GLI2: variants seen among roughly 807,000 people sequenced by gnomAD.
GLI2 encodes the protein GLI family zinc finger 2.
Under a neutral mutation model 78.9 loss-of-function variants are expected in GLI2, and 22 were observed. That is an observed-to-expected ratio of 0.28 (90% CI 0.20 to 0.40). The LOEUF is 0.40. GLI2 is among the 10% of genes least tolerant of loss of function. The pLI is 1.00. For missense variants in GLI2, 2,097 were observed against 2,213.2 expected (o/e 0.95, Z 1.05); for synonymous variants, 974 against 963.7 (o/e 1.01, Z -0.20).
At chr2:120,983,949 GT>G (rs1302780934) in intron 11 of GLI2, among the ~76,000 whole-genome samples, 955 of 35,672 alleles carry the variant, frequency 0.027, 7 homozygotes, top group African/African-American at 0.036. Context: ...TGTGTGGGGT[GT>G]GTGTGTGTGT....
chr2:120,775,963 G>T (rs367845054), intron 1 of GLI2, among the ~76,000 whole-genome samples: 1 of 152,244 alleles, frequency 6.6e-6, no homozygotes, highest in African/African-American at 2.4e-5. Context: ...CTCCTCTAAC[G>T]CTCTCGCCCT....
At chr2:120,986,241 C>A in intron 12 of GLI2, 37 bp from the exon 13 acceptor site, 2 of 1,579,680 alleles carry the variant, frequency 1.3e-6, no homozygotes, top group South Asian at 1.1e-5. Flanking sequence ...AATCTGATAC[C>A]CTCTGAGTCT....
Position 120,758,042 on chromosome 2 carries a change from G to C in GLI2, c.-31+21757G>C, listed in dbSNP as rs1240311247. On this transcript the variant is annotated intron_variant, in intron 1 of 13. Transcript: ENST00000361492. ...TTTTAAGTGGTGTGAGTGGTCCACTGTAAGGATAGTCCTCACCCTGATGTG... is the reference window on the plus strand; with the variant it reads ...TTTTAAGTGGTGTGAGTGGTCCACTCTAAGGATAGTCCTCACCCTGATGTG... Among the ~76,000 whole-genome samples the C allele has an allele frequency of 2.6e-5, 4 of 152,194 alleles. No individual in the cohort carries two copies. In the East Asian group the frequency reaches 7.7e-4, roughly 29 times the overall value.
chr2:120,787,858 C>T (rs529982054), intron 1 of GLI2, among the ~76,000 whole-genome samples: 4 of 152,118 alleles, frequency 2.6e-5, no homozygotes, highest in South Asian at 2.1e-4. Context: ...AATTTAGAAC[C>T]GAGTGGAACA....
At chr2:120,931,594 T>C (rs1227840206) in intron 3 of GLI2, among the ~76,000 whole-genome samples, 2 of 152,234 alleles carry the variant, frequency 1.3e-5, no homozygotes, top group African/African-American at 4.8e-5. Flanking sequence ...TAGAATACAG[T>C]AAATCATATT....
At chr2:120,855,284 G>T (rs1687593447) in intron 2 of GLI2, among the ~76,000 whole-genome samples, 1 of 152,228 alleles carries the variant, frequency 6.6e-6, no homozygotes, top group Non-Finnish European at 1.5e-5. Context: ...GCAGCTGTCA[G>T]CTGTGGCACC....
In GLI2 at chr2:120,992,290, A is replaced by G. The variant is rs1266412738; in HGVS notation, c.*1615A>G. 7.9e-5 allele frequency: 12 copies of G among 152,342 alleles called. No homozygotes were observed. Among genetic ancestry groups the G allele is most frequent in the African/African-American group, 2.9e-4 (12 of 41,438 alleles). 9.4% of individuals were successfully genotyped at this position (152,342 alleles called of 1,614,324 possible). On this transcript the variant is annotated 3_prime_UTR_variant, in exon 14 of 14. Coordinates refer to ENST00000361492, the MANE Select transcript of GLI2 (RefSeq NM_001374353.1). Reference sequence around the variant, plus strand: ...GGTCTGTGGCTCTGTGGTGGTGTTCATCGCCTTCCTGAGATAGGATTTCCC... The same window carrying G: ...GGTCTGTGGCTCTGTGGTGGTGTTCGTCGCCTTCCTGAGATAGGATTTCCC...
intron 2 of GLI2, among the ~76,000 whole-genome samples, chr2:120,863,798 C>T (rs556045039): frequency 1.2e-4 from 19 of 152,298 alleles, no homozygotes; most frequent in African/African-American, 4.6e-4. Context: ...GTCCTGGGAA[C>T]AGCACAGATA....
At chr2:120,909,043 A>G (rs1483084573) in intron 2 of GLI2, among the ~76,000 whole-genome samples, 1 of 152,076 alleles carries the variant, frequency 6.6e-6, no homozygotes, top group African/African-American at 2.4e-5. Flanking sequence ...CTGAGGAGTT[A>G]ACCTCCAGCA....
chr2:120,985,913 G>T (rs1400467704), intron 12 of GLI2, among the ~76,000 whole-genome samples: 2 of 152,198 alleles, frequency 1.3e-5, no homozygotes, highest in Non-Finnish European at 2.9e-5. Context: ...AAGTCAGCAG[G>T]CTTCATTCCT....
In GLI2 at chr2:120,945,676, C is replaced by T. The variant is rs1680671506; in HGVS notation, c.255-5567C>T. Among the ~76,000 whole-genome samples the T allele has an allele frequency of 3.9e-5, 6 of 152,188 alleles. No homozygotes were observed. In the South Asian group the frequency reaches 1.2e-3, roughly 32 times the overall value. ...TGATGTTCTCTGTATCATCTTCCTT[C>T]TTGGGCTCTCCCCTGCATGGCCTCC... On this transcript the variant is annotated intron_variant, in intron 3 of 13. Coordinates refer to ENST00000361492, the MANE Select transcript of GLI2 (RefSeq NM_001374353.1).
chr2:120,745,626 G>A (rs1018333905), intron 1 of GLI2, among the ~76,000 whole-genome samples: 3 of 152,230 alleles, frequency 2.0e-5, no homozygotes, highest in African/African-American at 7.2e-5. Context: ...TGACCATGTG[G>A]GGTGGCTTCT....
At chr2:120,779,340 G>T (rs1209230713) in intron 1 of GLI2, among the ~76,000 whole-genome samples, 1 of 152,210 alleles carries the variant, frequency 6.6e-6, no homozygotes, top group Non-Finnish European at 1.5e-5. Flanking sequence ...ACACCAGGGT[G>T]TGTGTGAGCC....
intron 2 of GLI2, among the ~76,000 whole-genome samples, chr2:120,871,996 C>T (rs149137570): frequency 1.2e-4 from 19 of 152,312 alleles, no homozygotes; most frequent in East Asian, 1.2e-3. Context: ...ACAACCACGA[C>T]GTCACATTGT....
chr2:120,955,131 C>G, intron 4 of GLI2, 114 bp from the exon 5 acceptor site: 1 of 737,068 alleles, frequency 1.4e-6, no homozygotes, highest in East Asian at 2.7e-5. Flanking sequence ...AACCCCGACA[C>G]CAGGTGTGCA....
rs1683269067 is a variant in GLI2 at position 120,990,861 on chromosome 2, AT to A, written c.*188del. The A allele has an allele frequency of 1.7e-6, 1 of 597,826 alleles. No homozygotes were observed. Among genetic ancestry groups the A allele is most frequent in the African/African-American group, 1.9e-5 (1 of 53,838 alleles). 37.0% of individuals were successfully genotyped at this position (597,826 alleles called of 1,614,324 possible). A position where few individuals can be genotyped will look rare whatever the true frequency, so the allele number is the denominator to read the frequency against. On this transcript the variant is annotated 3_prime_UTR_variant, in exon 14 of 14. Transcript: ENST00000361492. ...ATGGGCATCCTCTCTGGTCTTTTGGATTATTCCTCAGAACAATGAAAAAAGT... is the reference window on the plus strand; with the variant it reads ...ATGGGCATCCTCTCTGGTCTTTTGGATATTCCTCAGAACAATGAAAAAAGT...
chr2:120,983,965 G>A (rs1213101908), intron 11 of GLI2, among the ~76,000 whole-genome samples: 1 of 151,820 alleles, frequency 6.6e-6, no homozygotes, highest in African/African-American at 2.4e-5. Context: ...GTGTGTGTGT[G>A]TGTGTGTGTG....
chr2:120,913,109 G>A (rs990222475), intron 2 of GLI2, among the ~76,000 whole-genome samples: 1 of 152,244 alleles, frequency 6.6e-6, no homozygotes, highest in Admixed American at 6.5e-5. Context: ...AGGAAGGACT[G>A]AGGTTTGGGG....
At position 120,975,005 on chromosome 2, in the gene GLI2, G is replaced by A; in HGVS notation, c.1213G>A (p.Asp405Asn). 4 of 1,614,216 alleles carry A rather than the reference G, an allele frequency of 2.5e-6. No homozygotes were observed. The highest frequency in any genetic ancestry group is 3.4e-6 in the Non-Finnish European group (4 of 1,180,034). ...GCTGGCTGACCTCAAGGAAGATCTGGACAGGGATGACTGTAAGCAGGAGGC... is the reference window on the plus strand; with the variant it reads ...GCTGGCTGACCTCAAGGAAGATCTGAACAGGGATGACTGTAAGCAGGAGGC... The part of the protein sequence containing the change: ...EQLADLKEDL[D>N]RDDCKQEAEV... The change falls in exon 9 of 14, where the codon GAC becomes AAC. Residue 405 changes from aspartate (D) to asparagine (N), a missense_variant. Coordinates refer to ENST00000361492, the MANE Select transcript of GLI2 (RefSeq NM_001374353.1).
Sources: allele counts gnomAD v4.1 joint callset (sites outside exome capture counted in the v4.1 genomes callset), GRCh38; gene constraint gnomAD v4.1.1; transcripts MANE v1.5; gene names NCBI Gene and HGNC (gene_info 2026-07-23, HGNC 2026-07-21).